The following CHST9 variants were observed in gnomAD, a reference collection of about 807,000 sequenced individuals.
CHST9 encodes carbohydrate sulfotransferase 9, also known as GalNAc-4-sulfotransferase 2.
A neutral mutation model predicts 44.4 loss-of-function variants in CHST9; 41 were observed. That is an observed-to-expected ratio of 0.92 (90% CI 0.72 to 1.20). The LOEUF (loss-of-function observed/expected upper bound fraction) is 1.20. CHST9 is among the 50% of genes most tolerant of loss of function. The pLI, the probability that CHST9 is intolerant of heterozygous loss-of-function variation, is 0.00. For missense variants in CHST9, 504 were observed against 516.5 expected (o/e 0.98, Z 0.23); for synonymous variants, 171 against 178.4 (o/e 0.96, Z 0.33).
intron 4 of CHST9, among the ~76,000 whole-genome samples, chr18:26,962,291 TC>T (rs1282010592): frequency 4.9e-5 from 5 of 101,622 alleles, no homozygotes; most frequent in African/African-American, 2.4e-4. Context: ...AATTATAGTC[TC>T]CTTTTTTTTT....
At chr18:27,021,927 C>T (rs1348013769) in intron 4 of CHST9, among the ~76,000 whole-genome samples, 1 of 152,172 alleles carries the variant, frequency 6.6e-6, no homozygotes, top group African/African-American at 2.4e-5. Context: ...TCAAGCAATC[C>T]CCCTACTTTA....
In CHST9 at chr18:27,172,145, A is replaced by G. The variant is rs144903514; in HGVS notation, c.-97+12991T>C. On this transcript the variant is annotated intron_variant, in intron 1 of 5. Transcript: ENST00000618847. ...ATATTTGTATATTCAATAAACTTAG[A>G]GTACAAATAGCTTCCAGCTAATAAT... 4.9e-3 allele frequency among the ~76,000 whole-genome samples: 750 copies of G among 152,280 alleles called. 7 individuals are homozygous for G. The highest frequency in any genetic ancestry group is 0.016 in the African/African-American group (683 of 41,580).
rs2055533529 is a variant in CHST9 at position 26,916,744 on chromosome 18, T to C, written c.847A>G (p.Met283Val). Residue 283 changes from methionine to valine, a missense_variant, in exon 6 of 6, where the codon ATG becomes GTG. Coordinates refer to ENST00000618847, the MANE Select transcript of CHST9 (RefSeq NM_031422.6). ...YTKAVFVRDP[M>V]ERLVSAFRDK... ...CTAAAGGCTGATACTAATCTTTCCA[T>C]GGGATCACGAACAAACACAGCTTTG... 1 of 1,613,778 alleles carries C rather than the reference T, an allele frequency of 6.2e-7. No homozygotes were observed. The highest frequency in any genetic ancestry group is 8.5e-7 in the Non-Finnish European group (1 of 1,179,834).
chr18:27,039,720 C>T (rs1381808614), intron 3 of CHST9, among the ~76,000 whole-genome samples: 1 of 151,964 alleles, frequency 6.6e-6, no homozygotes, highest in African/African-American at 2.4e-5. Context: ...AATCATATAG[C>T]TATATTGCTC....
chr18:27,179,102 CTCTA>C (rs983964988), intron 1 of CHST9, among the ~76,000 whole-genome samples: 13 of 120,222 alleles, frequency 1.1e-4, no homozygotes, highest in East Asian at 2.4e-4. Context: ...CTCTCTCTCT[CTCTA>C]TATATATATA....
rs1201062389 is a variant in CHST9, at chr18:27,112,233, C to A, written c.121+30456G>T. On this transcript the variant is annotated intron_variant, in intron 2 of 5. Coordinates refer to ENST00000618847, the MANE Select transcript of CHST9 (RefSeq NM_031422.6). ...GAAGGCTGAGAAGCCCCATGATCTA[C>A]CATCTGCAAGCTGGAAACCCAGGAT... Among the ~76,000 whole-genome samples, 4 of 150,936 alleles carry A rather than the reference C, an allele frequency of 2.7e-5. No individual in the cohort carries two copies. The East Asian group carries it at 7.8e-4, about 29-fold the overall frequency.
chr18:27,152,780 G>A (rs2058668915), intron 1 of CHST9, among the ~76,000 whole-genome samples: 1 of 151,990 alleles, frequency 6.6e-6, no homozygotes, highest in Admixed American at 6.6e-5. Flanking sequence ...AATTTTTGGA[G>A]TCCTGGGATT....
At chr18:27,048,346 A>C (rs1047925542) in intron 3 of CHST9, 119 bp downstream of exon 3, 17 of 695,204 alleles carry the variant, frequency 2.4e-5, no homozygotes, top group Middle Eastern at 4.0e-4. Context: ...AATATCGATC[A>C]GTTCAAAAAC....
In CHST9 at chr18:27,010,504, G is replaced by A. The variant is rs2057070636; in HGVS notation, c.202+13612C>T. Among the ~76,000 whole-genome samples the A allele has an allele frequency of 2.6e-5, 4 of 152,328 alleles. No homozygotes were observed. In the South Asian group the frequency reaches 8.3e-4, roughly 32 times the overall value. ...AGACAGGGCAAGTGCAATGGGAGGA[G>A]TGTGAGGTCTGCTGCCCTACAGCCT... On this transcript the variant is annotated intron_variant, in intron 4 of 5. Coordinates refer to ENST00000618847, the MANE Select transcript of CHST9 (RefSeq NM_031422.6).
chr18:27,064,210 G>C (rs1376771697), intron 2 of CHST9, among the ~76,000 whole-genome samples: 1 of 151,888 alleles, frequency 6.6e-6, no homozygotes, highest in Non-Finnish European at 1.5e-5. Context: ...AATTTCAAAA[G>C]GTGAAGAAAA....
At chr18:27,005,919 T>C (rs1472422684) in intron 4 of CHST9, among the ~76,000 whole-genome samples, 1 of 152,224 alleles carries the variant, frequency 6.6e-6, no homozygotes, top group African/African-American at 2.4e-5. Flanking sequence ...AGTTAGGTAC[T>C]ACTGGGCTAG....
intron 3 of CHST9, among the ~76,000 whole-genome samples, chr18:27,046,006 C>T (rs1482582419): frequency 6.6e-6 from 1 of 151,992 alleles, no homozygotes; most frequent in Non-Finnish European, 1.5e-5. Context: ...GTTTTGTTGA[C>T]CACCATTATA....
chr18:27,147,355 C>T (rs2058621054), intron 1 of CHST9, among the ~76,000 whole-genome samples: 2 of 152,136 alleles, frequency 1.3e-5, no homozygotes, highest in South Asian at 4.1e-4. Flanking sequence ...GTGTGAGCCA[C>T]CGCACCCAGC....
In CHST9 at chr18:27,073,281, G is replaced by A. The variant is rs535485699; in HGVS notation, c.122-24778C>T. 2.0e-5 allele frequency among the ~76,000 whole-genome samples: 3 copies of A among 152,050 alleles called. No individual in the cohort carries two copies. In the South Asian group the frequency reaches 6.2e-4, roughly 32 times the overall value. On this transcript the variant is annotated intron_variant, in intron 2 of 5. Transcript: ENST00000618847. ...CTTAACCTAATGTAGTTATCCTGTTGGAATGCTGGCCTGGCTGAGGCATTT... is the reference window on the plus strand; with the variant it reads ...CTTAACCTAATGTAGTTATCCTGTTAGAATGCTGGCCTGGCTGAGGCATTT...
chr18:27,078,136 C>G (rs1447424811), intron 2 of CHST9, among the ~76,000 whole-genome samples: 2 of 152,136 alleles, frequency 1.3e-5, no homozygotes, highest in African/African-American at 2.4e-5. Context: ...TGGGTGGGGA[C>G]ACAGAATCAA....
At chr18:27,034,847 G>T (rs536154191) in intron 3 of CHST9, among the ~76,000 whole-genome samples, 91 of 152,324 alleles carry the variant, frequency 6.0e-4, no homozygotes, top group African/African-American at 2.1e-3. Context: ...ATAGACTGAT[G>T]AATGTGTGTG....
intron 3 of CHST9, among the ~76,000 whole-genome samples, chr18:27,030,999 C>T (rs1263865884): frequency 6.6e-6 from 1 of 152,106 alleles, no homozygotes; most frequent in Non-Finnish European, 1.5e-5. Flanking sequence ...AATAGTCCAC[C>T]CCACCCCCAT....
chr18:27,134,100 A>C (rs1327232080), intron 2 of CHST9, among the ~76,000 whole-genome samples: 1 of 152,220 alleles, frequency 6.6e-6, no homozygotes, highest in Non-Finnish European at 1.5e-5. Flanking sequence ...ACCTGAAAGA[A>C]AATACAATTT....
At chr18:26,932,121 G>C (rs776830419) in intron 5 of CHST9, among the ~76,000 whole-genome samples, 39 of 152,094 alleles carry the variant, frequency 2.6e-4, no homozygotes, top group Non-Finnish European at 4.6e-4. Context: ...GGTTGCTTCA[G>C]CTCTCCAGTT....
Sources: gnomAD v4.1 joint callset for allele counts (sites outside exome capture counted in the v4.1 genomes callset) on GRCh38, gnomAD v4.1.1 for gene constraint, MANE v1.5 for transcripts, NCBI Gene and HGNC (gene_info 2026-07-23, HGNC 2026-07-21) for gene names.